Variants in BANF2 observed in about 807,000 individuals in gnomAD.
BANF2 encodes the protein BANF family member 2, also known as barrier-to-autointegration factor-like protein.
Under a neutral mutation model 8.0 loss-of-function variants are expected in BANF2, and 4 were observed. The observed-to-expected ratio is 0.50, with a 90% confidence interval of 0.25 to 1.14. The LOEUF (loss-of-function observed/expected upper bound fraction) is 1.14, where lower values mean the gene tolerates loss of function less well. Among genes scored for constraint, BANF2 ranks in the 50% most tolerant of loss-of-function variants. The pLI, the probability that BANF2 is intolerant of heterozygous loss-of-function variation, is 0.16. For synonymous variants in BANF2, 50 were observed against 40.6 expected (o/e 1.23, Z -0.88); for missense variants, 96 against 107.5 (o/e 0.89, Z 0.47).
chr20:17,732,414 T>G (rs2037911899), intron 3 of BANF2, among the ~76,000 whole-genome samples: 1 of 152,240 alleles, frequency 6.6e-6, no homozygotes, highest in Admixed American at 6.5e-5. Flanking sequence ...TTGCCCAGGC[T>G]GGAGTGCAGT....
intron 2 of BANF2, among the ~76,000 whole-genome samples, 176 bp downstream of exon 2, chr20:17,723,054 G>T (rs1444333149): frequency 1.3e-5 from 2 of 152,202 alleles, no homozygotes; most frequent in Non-Finnish European, 1.5e-5. Context: ...TTCATGATCT[G>T]CTGGGGAATG....
chr20:17,732,659 C>T (rs1163232285), intron 3 of BANF2, among the ~76,000 whole-genome samples: 2 of 152,064 alleles, frequency 1.3e-5, no homozygotes, highest in Non-Finnish European at 2.9e-5. Context: ...CCTGGCCGAG[C>T]CCCCCCTCTT....
chr20:17,734,968 T>C (rs2037955115), intron 3 of BANF2, among the ~76,000 whole-genome samples: 1 of 152,082 alleles, frequency 6.6e-6, no homozygotes. Context: ...GCACCTGTAA[T>C]CCCAGCTACT....
chr20:17,735,837 C>T lies in BANF2; in HGVS notation c.*26C>T. On this transcript the variant is annotated 3_prime_UTR_variant, in exon 4 of 4. Coordinates refer to ENST00000246090, the MANE Select transcript of BANF2 (RefSeq NM_178477.5). ...ACACAAACCTCATTGCTGCCCCCCA[C>T]CACCCTCTGGGGAAAATGACGCCTT... 6.3e-7 allele frequency: 1 copy of T among 1,599,810 alleles called. No homozygotes were observed. The highest frequency in any genetic ancestry group is 8.5e-7 in the Non-Finnish European group (1 of 1,170,080).
chr20:17,705,302 C>T (rs2122576262), intron 1 of BANF2, among the ~76,000 whole-genome samples: 1 of 152,292 alleles, frequency 6.6e-6, no homozygotes, highest in South Asian at 2.1e-4. Context: ...CCCAATTGAT[C>T]ATGAGAACAG....
At chr20:17,714,631 C>A (rs998910881) in intron 1 of BANF2, among the ~76,000 whole-genome samples, 5 of 152,290 alleles carry the variant, frequency 3.3e-5, no homozygotes, top group South Asian at 2.1e-4. Flanking sequence ...ATCCATGAAA[C>A]CTTACTTAGA....
At chr20:17,729,937 A>G (rs2037867842) in intron 3 of BANF2, among the ~76,000 whole-genome samples, 1 of 152,152 alleles carries the variant, frequency 6.6e-6, no homozygotes, top group Non-Finnish European at 1.5e-5. Flanking sequence ...CGAATGCAGA[A>G]CTGTGGGGCA....
At chr20:17,719,510 G>C (rs1433033880) in intron 1 of BANF2, among the ~76,000 whole-genome samples, 2 of 152,042 alleles carry the variant, frequency 1.3e-5, no homozygotes, top group African/African-American at 4.8e-5. Context: ...GTTTAGGCTA[G>C]ATTAGAGAAG....
At chr20:17,699,078 A>G (rs1400725310), upstream of BANF2, among the ~76,000 whole-genome samples, 1 of 152,216 alleles carries the variant, frequency 6.6e-6, no homozygotes, top group Non-Finnish European at 1.5e-5. Context: ...AGTGGGGCCC[A>G]GGAATCTGTA....
intron 1 of BANF2, among the ~76,000 whole-genome samples, chr20:17,708,392 G>A (rs573668893): frequency 6.6e-6 from 1 of 152,298 alleles, no homozygotes; most frequent in Non-Finnish European, 1.5e-5. Flanking sequence ...GGTCCATACA[G>A]CATTATGAAT....
chr20:17,707,587 C>CT (rs960556984), intron 1 of BANF2, among the ~76,000 whole-genome samples: 34 of 150,952 alleles, frequency 2.3e-4, no homozygotes, highest in African/African-American at 7.3e-4. Flanking sequence ...TATATATATA[C>CT]TTTTTTTTTG....
At chr20:17,706,136 C>A (rs73264789) in intron 1 of BANF2, among the ~76,000 whole-genome samples, 2,616 of 152,256 alleles carry the variant, frequency 0.017, 80 homozygotes, top group African/African-American at 0.058. Context: ...TGGCCAAATC[C>A]GGAGAGTCAG....
chr20:17,699,457 T>G (rs1240629871), upstream of BANF2, among the ~76,000 whole-genome samples: 4 of 152,204 alleles, frequency 2.6e-5, no homozygotes, highest in African/African-American at 9.7e-5. Context: ...CTTGTTTTCC[T>G]GAGCTAATAT....
intron 1 of BANF2, among the ~76,000 whole-genome samples, chr20:17,708,046 C>A (rs6080793): frequency 0.79 from 88,048 of 111,738 alleles, 33,692 homozygotes; most frequent in Middle Eastern, 0.87. Flanking sequence ...TACTAAAAAT[C>A]AAAAAAAAAA....
chr20:17,723,481 G>A (rs921463629), intron 2 of BANF2, among the ~76,000 whole-genome samples: 2 of 152,178 alleles, frequency 1.3e-5, no homozygotes, highest in African/African-American at 2.4e-5. Flanking sequence ...CTCAACCTAC[G>A]TCTGATCTAC....
At chr20:17,728,395 G>A (rs917504724) in intron 3 of BANF2, among the ~76,000 whole-genome samples, 1 of 152,160 alleles carries the variant, frequency 6.6e-6, no homozygotes, top group Non-Finnish European at 1.5e-5. Flanking sequence ...AAGGGTGCTG[G>A]ATGCCCTGGG....
chr20:17,727,886 G>A (rs532916329), intron 3 of BANF2, among the ~76,000 whole-genome samples: 98 of 152,182 alleles, frequency 6.4e-4, no homozygotes, highest in Admixed American at 6.2e-3. Context: ...CTAGAGGCAC[G>A]CACCACTATG....
At chr20:17,732,636 G>A (rs1303690060) in intron 3 of BANF2, among the ~76,000 whole-genome samples, 1 of 152,198 alleles carries the variant, frequency 6.6e-6, no homozygotes, top group Non-Finnish European at 1.5e-5. Context: ...GATTACAGGA[G>A]TGAGCCACCA....
chr20:17,727,623 G>A (rs534895293), intron 3 of BANF2, among the ~76,000 whole-genome samples: 1 of 152,140 alleles, frequency 6.6e-6, no homozygotes, highest in African/African-American at 2.4e-5. Context: ...TCAAGGTGAG[G>A]ACCCATCTGA....
Sources: gnomAD v4.1 joint callset for allele counts (sites outside exome capture counted in the v4.1 genomes callset) on GRCh38, gnomAD v4.1.1 for gene constraint, MANE v1.5 for transcripts, NCBI Gene and HGNC (gene_info 2026-07-23, HGNC 2026-07-21) for gene names.